Variants in CAPSL observed in about 807,000 individuals in gnomAD.
CAPSL encodes calcyphosine like.
In CAPSL, 17 loss-of-function variants were observed where a neutral mutation model predicts 21.3. The observed-to-expected ratio is 0.80, with a 90% CI of 0.55 to 1.20. The LOEUF is 1.20. Among genes scored for constraint, CAPSL ranks in the 50% most tolerant of loss-of-function variants. The pLI, the probability that CAPSL is intolerant of heterozygous loss-of-function variation, is 0.00. For synonymous variants in CAPSL, 102 were observed against 89.3 expected, an observed-to-expected ratio of 1.14 and a Z score of -0.80; for missense variants, 289 against 259.3, an observed-to-expected ratio of 1.11 and a Z score of -0.79.
At chr5:35,925,613 G>A (rs953029238) in intron 1 of CAPSL, among the ~76,000 whole-genome samples, 5 of 152,154 alleles carry the variant, frequency 3.3e-5, no homozygotes, top group African/African-American at 1.2e-4. Flanking sequence ...TGGGGTGCCA[G>A]GGTGGGATTT....
At chr5:35,925,762 C>A (rs1412013247) in intron 1 of CAPSL, among the ~76,000 whole-genome samples, 1 of 148,704 alleles carries the variant, frequency 6.7e-6, no homozygotes, top group East Asian at 1.9e-4. Context: ...GGGAAAAAGT[C>A]TTCTTAAAAA....
At chr5:35,914,026 A>G (rs996163734) in intron 2 of CAPSL, among the ~76,000 whole-genome samples, 1 of 152,170 alleles carries the variant, frequency 6.6e-6, no homozygotes, top group African/African-American at 2.4e-5. Context: ...CTACCAAGCA[A>G]ATGGAAAACA....
chr5:35,910,565 A>G (rs1561436180), intron 2 of CAPSL, 22 bp from the exon 3 acceptor site: 1 of 1,539,760 alleles, frequency 6.5e-7, no homozygotes, highest in South Asian at 1.2e-5. Flanking sequence ...ACACACAAAA[A>G]TTCAGAAGAA....
At chr5:35,929,543 G>A (rs994489874) in intron 1 of CAPSL, among the ~76,000 whole-genome samples, 3 of 152,034 alleles carry the variant, frequency 2.0e-5, no homozygotes, top group Non-Finnish European at 4.4e-5. Context: ...CACCCACCTT[G>A]GCCTCACAAT....
chr5:35,924,667 T>A (rs1738627135), intron 1 of CAPSL, among the ~76,000 whole-genome samples: 2 of 152,206 alleles, frequency 1.3e-5, no homozygotes, highest in Admixed American at 1.3e-4. Context: ...ACTAGCTAAC[T>A]GTATTGTGTA....
chr5:35,926,157 G>A (rs147105281), intron 1 of CAPSL, among the ~76,000 whole-genome samples: 8 of 152,252 alleles, frequency 5.3e-5, no homozygotes, highest in Non-Finnish European at 7.4e-5. Context: ...AGGCGGGACA[G>A]GCTAGCCAAT....
At chr5:35,915,697 G>C (rs1738360753) in intron 2 of CAPSL, among the ~76,000 whole-genome samples, 1 of 152,158 alleles carries the variant, frequency 6.6e-6, no homozygotes, top group Non-Finnish European at 1.5e-5. Context: ...ATTAGGTATT[G>C]ATGGGACGTT....
intron 4 of CAPSL, among the ~76,000 whole-genome samples, chr5:35,907,847 C>G (rs1760713758): frequency 1.3e-5 from 2 of 152,288 alleles, no homozygotes; most frequent in South Asian, 4.1e-4. Flanking sequence ...GTGCAATTTG[C>G]AAGAGGTAAA....
At chr5:35,920,272 A>G (rs931726630) in intron 2 of CAPSL, among the ~76,000 whole-genome samples, 2 of 152,136 alleles carry the variant, frequency 1.3e-5, no homozygotes, top group Admixed American at 6.5e-5. Context: ...TAGATCACTC[A>G]TATTGTCCAT....
chr5:35,910,152 C>A (rs372265672), intron 3 of CAPSL, 77 bp from the exon 4 acceptor site: 35 of 1,234,824 alleles, frequency 2.8e-5, no homozygotes, highest in East Asian at 1.6e-4. Context: ...GATAAAATAT[C>A]TCATTCCCCT....
intron 1 of CAPSL, among the ~76,000 whole-genome samples, chr5:35,924,834 G>A (rs931091042): frequency 6.6e-6 from 1 of 152,204 alleles, no homozygotes; most frequent in African/African-American, 2.4e-5. Context: ...GGGCTTTTAA[G>A]GAAGGCAGGA....
chr5:35,920,865 T>G (rs917285028), intron 2 of CAPSL, 119 bp downstream of exon 2: 1 of 1,023,110 alleles, frequency 9.8e-7, no homozygotes, highest in Non-Finnish European at 1.4e-6. Flanking sequence ...ATTTTACAAA[T>G]AAGGAACTGA....
intron 4 of CAPSL, 31 bp downstream of exon 4, chr5:35,909,835 A>G: frequency 6.4e-7 from 1 of 1,562,422 alleles, no homozygotes; most frequent in Non-Finnish European, 8.7e-7. Context: ...GAATTGAAGA[A>G]ATTTCCCCTA....
At chr5:35,917,888 A>C (rs1012728368) in intron 2 of CAPSL, among the ~76,000 whole-genome samples, 1 of 152,156 alleles carries the variant, frequency 6.6e-6, no homozygotes, top group Non-Finnish European at 1.5e-5. Flanking sequence ...TTTAAAAAAA[A>C]GCTTATCGTC....
chr5:35,911,131 T>C (rs1320124051), intron 2 of CAPSL, among the ~76,000 whole-genome samples: 1 of 152,100 alleles, frequency 6.6e-6, no homozygotes, highest in Admixed American at 6.6e-5. Context: ...AAATAAATGA[T>C]AGAGTAAATA....
chr5:35,910,706 C>CCA (rs978831792), intron 2 of CAPSL, among the ~76,000 whole-genome samples, 163 bp from the exon 3 acceptor site: 1 of 151,862 alleles, frequency 6.6e-6, no homozygotes, highest in African/African-American at 2.4e-5. Context: ...CCTCTTCCCA[C>CCA]CACACACACA....
intron 1 of CAPSL, among the ~76,000 whole-genome samples, chr5:35,930,627 A>G (rs1230238793): frequency 6.6e-6 from 1 of 152,180 alleles, no homozygotes; most frequent in Non-Finnish European, 1.5e-5. Flanking sequence ...GTTCTGCATT[A>G]ATGCATGTTT....
At chr5:35,926,313 ACT>A (rs555538478) in intron 1 of CAPSL, among the ~76,000 whole-genome samples, 29 of 152,074 alleles carry the variant, frequency 1.9e-4, no homozygotes, top group African/African-American at 6.7e-4. Context: ...TGCGCTCTCC[ACT>A]CTCACCCTCC....
In CAPSL at chr5:35,905,110, G is replaced by A. The variant is rs1221482380; in HGVS notation, c.526-464C>T. 4.6e-5 allele frequency among the ~76,000 whole-genome samples: 7 copies of A among 152,176 alleles called. No homozygotes were observed. The East Asian group carries it at 7.7e-4, about 17-fold the overall frequency. ...TGAAGAAACAGATTTCTAGTTAAAC[G>A]CTCCCGGGTTGCATGCTTTTCTAAC... On this transcript the variant is annotated intron_variant, in intron 4 of 4. Coordinates refer to ENST00000651391, the MANE Select transcript of CAPSL (RefSeq NM_001042625.2).
Sources: gnomAD v4.1 joint callset for allele counts (sites outside exome capture counted in the v4.1 genomes callset) on GRCh38, gnomAD v4.1.1 for gene constraint, MANE v1.5 for transcripts, NCBI Gene and HGNC (gene_info 2026-07-23, HGNC 2026-07-21) for gene names.